Variants in GDA observed in about 807,000 individuals in gnomAD.
GDA encodes the protein guanine deaminase, also known as cytoplasmic PSD-95 interactor.
In GDA, 18 loss-of-function variants were observed where a neutral mutation model predicts 59.6. That is an observed-to-expected ratio of 0.30 (90% CI 0.21 to 0.45). GDA has a LOEUF of 0.45. GDA is among the 20% of genes least tolerant of loss of function. GDA has a pLI of 1.00. For synonymous variants in GDA, 201 were observed against 201.1 expected (o/e 1.00, Z 0.00); for missense variants, 427 against 552.3 (o/e 0.77, Z 2.27).
chr9:72,186,166 A>T (rs1302213630), intron 1 of GDA, among the ~76,000 whole-genome samples: 1 of 152,190 alleles, frequency 6.6e-6, no homozygotes, highest in African/African-American at 2.4e-5. Flanking sequence ...TAGCCCCATG[A>T]AGAAAGCATC....
chr9:72,149,575 A>G lies in GDA; in HGVS notation c.16A>G (p.Met6Val), dbSNP rs1043692605. The change falls in exon 1 of 14, where the codon ATG (methionine) becomes GTG (valine). Residue 6 changes from methionine (M) to valine (V), a missense_variant. By Grantham distance (21) the Met-to-Val change is conservative. Transcript: ENST00000358399. ...CGCCGCTGACATGTGTGCCGCTCAG[A>G]TGCCGCCCCTGGCGCACATCTTCCG... The part of the protein sequence containing the change: MCAAQ[M>V]PPLAHIFRGT... 1.8e-5 allele frequency: 29 copies of G among 1,611,432 alleles called. No homozygotes were observed. The highest frequency in any genetic ancestry group is 2.1e-5 in the Non-Finnish European group (25 of 1,179,232).
chr9:72,213,619 C>T (rs181357978), intron 4 of GDA, among the ~76,000 whole-genome samples: 43 of 150,944 alleles, frequency 2.8e-4, no homozygotes, highest in South Asian at 6.3e-4. Context: ...TTGGCTAACA[C>T]GGTGAAACCC....
chr9:72,195,755 G>A (rs552714429), intron 2 of GDA, among the ~76,000 whole-genome samples, 167 bp downstream of exon 2: 1 of 152,280 alleles, frequency 6.6e-6, no homozygotes, highest in East Asian at 1.9e-4. Context: ...AGGTATACAG[G>A]AAGCTGAAGG....
chr9:72,219,217 A>G (rs752117483), intron 5 of GDA, among the ~76,000 whole-genome samples: 1 of 152,110 alleles, frequency 6.6e-6, no homozygotes, highest in Non-Finnish European at 1.5e-5. Flanking sequence ...ATCCTGGCTA[A>G]CACGCTGAAA....
intron 13 of GDA, 126 bp downstream of exon 13, chr9:72,247,559 C>T (rs1840283554): frequency 9.6e-6 from 6 of 628,194 alleles, no homozygotes; most frequent in Non-Finnish European, 1.7e-5. Context: ...TGCTTTGATT[C>T]ATTATTTTTT....
chr9:72,215,283 T>C (rs962023601), intron 5 of GDA, among the ~76,000 whole-genome samples: 18 of 152,268 alleles, frequency 1.2e-4, no homozygotes, highest in South Asian at 2.1e-4. Flanking sequence ...ACCAAAGTAA[T>C]ATGTGTTTCC....
chr9:72,135,979 T>C (rs1281266309), intron 1 of GDA, among the ~76,000 whole-genome samples: 1 of 152,114 alleles, frequency 6.6e-6, no homozygotes, highest in African/African-American at 2.4e-5. Flanking sequence ...GGCACCTACA[T>C]TGATTTAGTT....
In GDA at chr9:72,249,795, T is replaced by C. The variant is rs1278991170; in HGVS notation, c.*1453T>C. The stretch of plus-strand genomic sequence containing the variant: ...GTGACTCTTTAATATTACCTTATAG[T>C]AGAAACTTTATGTAATATAGCTAAC... On this transcript the variant is annotated 3_prime_UTR_variant, in exon 14 of 14. Coordinates refer to ENST00000358399, the MANE Select transcript of GDA (RefSeq NM_004293.5). 2 of 869,448 alleles carry C rather than the reference T, an allele frequency of 2.3e-6. No individual in the cohort carries two copies. The highest frequency in any genetic ancestry group is 2.8e-6 in the Non-Finnish European group (2 of 724,388). The allele number at this position is 869,448 out of a possible 1,614,324, so 53.9% of individuals were successfully genotyped here.
intron 9 of GDA, among the ~76,000 whole-genome samples, chr9:72,229,364 A>G (rs1201862643): frequency 3.3e-5 from 5 of 150,508 alleles, no homozygotes; most frequent in Non-Finnish European, 7.4e-5. Flanking sequence ...AACAAAACAA[A>G]ACAAACAAAC....
chr9:72,139,463 C>T (rs1826364291), intron 1 of GDA, among the ~76,000 whole-genome samples: 1 of 152,132 alleles, frequency 6.6e-6, no homozygotes, highest in Non-Finnish European at 1.5e-5. Flanking sequence ...CACCTCTAAC[C>T]TGAATCCATG....
At chr9:72,188,614 T>C (rs1323941831) in intron 1 of GDA, among the ~76,000 whole-genome samples, 1 of 152,188 alleles carries the variant, frequency 6.6e-6, no homozygotes, top group Non-Finnish European at 1.5e-5. Context: ...CAGAGACTTG[T>C]CACAGAAGCA....
intron 1 of GDA, among the ~76,000 whole-genome samples, chr9:72,159,046 T>G (rs896252116): frequency 6.6e-6 from 1 of 152,182 alleles, no homozygotes; most frequent in African/African-American, 2.4e-5. Context: ...TGCTGTCTTC[T>G]GTCATGGAGA....
At chr9:72,154,520 T>C (rs1051258743) in intron 1 of GDA, among the ~76,000 whole-genome samples, 1 of 152,156 alleles carries the variant, frequency 6.6e-6, no homozygotes, top group African/African-American at 2.4e-5. Context: ...TATGGGGTGG[T>C]CACAGAACCT....
At chr9:72,168,986 T>C (rs1385648448) in intron 1 of GDA, among the ~76,000 whole-genome samples, 1 of 152,224 alleles carries the variant, frequency 6.6e-6, no homozygotes, top group South Asian at 2.1e-4. Flanking sequence ...CCTCAAGATA[T>C]AGTCACCAGC....
At chr9:72,213,334 G>A (rs932792758) in intron 4 of GDA, among the ~76,000 whole-genome samples, 1 of 152,088 alleles carries the variant, frequency 6.6e-6, no homozygotes, top group Non-Finnish European at 1.5e-5. Flanking sequence ...ATGGGGATGG[G>A]GGAGGTAGTG....
chr9:72,214,800 C>A, intron 5 of GDA: 1 of 278,728 alleles, frequency 3.6e-6, no homozygotes, highest in Non-Finnish European at 6.9e-6. Flanking sequence ...ATGGCGCGAT[C>A]TCAGCTCACT....
chr9:72,130,646 G>A (rs993537124), intron 1 of GDA, among the ~76,000 whole-genome samples: 21 of 152,216 alleles, frequency 1.4e-4, no homozygotes, highest in African/African-American at 4.8e-4. Context: ...GATGCTTAGT[G>A]TGTTGTTATA....
At chr9:72,196,066 G>A (rs1833136543) in intron 2 of GDA, among the ~76,000 whole-genome samples, 1 of 151,956 alleles carries the variant, frequency 6.6e-6, no homozygotes, top group Non-Finnish European at 1.5e-5. Flanking sequence ...CAATTGGTTG[G>A]GGAAGTTCAG....
chr9:72,119,176 T>C (rs1825573385), intron 1 of GDA, among the ~76,000 whole-genome samples: 1 of 152,096 alleles, frequency 6.6e-6, no homozygotes, highest in African/African-American at 2.4e-5. Flanking sequence ...GTGGAGGAAA[T>C]AATGTTTAGG....
Sources: gnomAD v4.1 joint callset for allele counts (sites outside exome capture counted in the v4.1 genomes callset) on GRCh38, gnomAD v4.1.1 for gene constraint, MANE v1.5 for transcripts, NCBI Gene and HGNC (gene_info 2026-07-23, HGNC 2026-07-21) for gene names.